Variants in DOK7 observed in about 807,000 individuals in gnomAD.
DOK7 encodes the protein docking protein 7.
In DOK7, 32 loss-of-function variants were observed where a neutral mutation model predicts 30.7. That is an observed-to-expected ratio of 1.04 (90% CI 0.79 to 1.40). The LOEUF (loss-of-function observed/expected upper bound fraction) is 1.40. Among genes scored for constraint, DOK7 ranks in the 40% most tolerant of loss-of-function variants. The pLI, the probability that DOK7 is intolerant of heterozygous loss-of-function variation, is 0.00. For missense variants in DOK7, 1,007 were observed against 699.2 expected (o/e 1.44, Z -4.97); for synonymous variants, 447 against 324.1 (o/e 1.38, Z -4.07).
intron 3 of DOK7, 146 bp downstream of exon 3, chr4:3,473,782 G>C: frequency 1.2e-6 from 1 of 820,044 alleles, no homozygotes; most frequent in East Asian, 2.7e-5. Flanking sequence ...GGTGGACTGA[G>C]CTCCAGCCTG....
chr4:3,468,506 G>GTGTGTGTGTATGTGTGTGAC (rs1726472910), intron 2 of DOK7, among the ~76,000 whole-genome samples: 1 of 150,668 alleles, frequency 6.6e-6, no homozygotes, highest in Non-Finnish European at 1.5e-5. Context: ...GCATGTGCGT[G>GTGTGTGTGTATGTGTGTGAC]TGTGCGTGTA....
rs1726872316 is a variant in DOK7 at position 3,473,325 on chromosome 4, A to T, written c.101-81A>T. On this transcript the variant is annotated intron_variant, in intron 2 of 6. Transcript: ENST00000340083. The stretch of plus-strand genomic sequence containing the variant: ...TCATGACCCCAGCCCGGGTCTCTGC[A>T]CTGTCACGGCCTCCCCGGGGACGCC... The T allele has an allele frequency of 2.1e-6, 3 of 1,419,656 alleles. No individual in the cohort carries two copies. In the South Asian group the frequency reaches 3.6e-5, roughly 17 times the overall value. 87.9% of individuals were successfully genotyped at this position (1,419,656 alleles called of 1,614,324 possible).
intron 4 of DOK7, among the ~76,000 whole-genome samples, chr4:3,483,918 C>A (rs1048926600): frequency 1.3e-5 from 2 of 152,228 alleles, no homozygotes; most frequent in Non-Finnish European, 2.9e-5. Context: ...GGGCCCCACC[C>A]CATCACGGCC....
Position 3,489,657 on chromosome 4 carries a change from G to A in DOK7, c.653-20G>A, listed in dbSNP as rs185980724. ...GGCGGTGGTGGCCACCTCCTCCACCGAGTCTTCTCTCTGCCACAGACCCAA... is the reference window on the plus strand; with the variant it reads ...GGCGGTGGTGGCCACCTCCTCCACCAAGTCTTCTCTCTGCCACAGACCCAA... On this transcript the variant is annotated intron_variant, in intron 5 of 6. Transcript: ENST00000340083. The A allele has an allele frequency of 8.3e-6, 13 of 1,562,422 alleles. No homozygotes were observed. The highest frequency in any genetic ancestry group is 2.4e-5 in the South Asian group (2 of 84,926).
At chr4:3,486,934 G>C (rs1727840914) in intron 5 of DOK7, among the ~76,000 whole-genome samples, 1 of 152,156 alleles carries the variant, frequency 6.6e-6, no homozygotes, top group Non-Finnish European at 1.5e-5. Flanking sequence ...CCGGGGAGCA[G>C]AGGGAAGCAG....
At chr4:3,491,828 G>A (rs1395086740) in intron 6 of DOK7, among the ~76,000 whole-genome samples, 2 of 152,238 alleles carry the variant, frequency 1.3e-5, no homozygotes, top group Non-Finnish European at 2.9e-5. Flanking sequence ...TGGTGGAAGG[G>A]GCTGGCAGAG....
At chr4:3,478,880 C>G (rs73793928) in intron 4 of DOK7, among the ~76,000 whole-genome samples, 1,735 of 152,246 alleles carry the variant, frequency 0.011, 34 homozygotes, top group African/African-American at 0.039. Flanking sequence ...GTTCTCAACG[C>G]AGCACTGAGT....
At chr4:3,485,695 C>T in intron 5 of DOK7, 37 bp downstream of exon 5, 3 of 1,506,762 alleles carry the variant, frequency 2.0e-6, no homozygotes, top group Non-Finnish European at 2.7e-6. Flanking sequence ...GGAGGGTGCG[C>T]TCGGCAGGCT....
rs201894731 is a variant in DOK7 at position 3,493,291 on chromosome 4, C to A, written c.1305C>A (p.Gly435=). 7.3e-5 allele frequency: 118 copies of A among 1,608,480 alleles called. No homozygotes were observed. The African/African-American group carries it at 1.4e-3, about 19-fold the overall frequency. ...SPGNSAARDS[G]GQTSAGCPSG... ...GCAACAGTGCGGCCAGGGACTCAGG[C>A]GGCCAGACGTCCGCCGGGTGTCCCT... The change falls in exon 7 of 7, where the codon GGC becomes GGA. Residue 435 remains glycine, a synonymous_variant. Coordinates refer to ENST00000340083, the MANE Select transcript of DOK7 (RefSeq NM_173660.5).
chr4:3,496,623 C>A (rs942058508), downstream of DOK7, among the ~76,000 whole-genome samples: 1 of 151,914 alleles, frequency 6.6e-6, no homozygotes, highest in African/African-American at 2.4e-5. Context: ...GTGGGTGGCC[C>A]GGAGATCTGG....
intron 6 of DOK7, among the ~76,000 whole-genome samples, chr4:3,492,128 T>C (rs1360765996): frequency 6.6e-6 from 1 of 152,178 alleles, no homozygotes; most frequent in African/African-American, 2.4e-5. Flanking sequence ...TGAAAGTGGC[T>C]TTCCCAAGAG....
exon 8 of DOK7, chr4:3,500,745 C>T (rs1560242830): frequency 1.3e-6 from 2 of 1,535,442 alleles, no homozygotes; most frequent in Non-Finnish European, 1.7e-6. Context: ...CGAGACGGCG[C>T]ACAGAGTGGG....
In DOK7 at chr4:3,494,243, G is replaced by A. The variant is rs1331331707; in HGVS notation, c.*742G>A. ...GGCTCCTGTCTGAACCTCCTCGCAG[G>A]GCCAAAGGCTGGCTTGGCCTGTGTT... On this transcript the variant is annotated 3_prime_UTR_variant, in exon 7 of 7. Transcript: ENST00000340083. 6 of 985,392 alleles carry A rather than the reference G, an allele frequency of 6.1e-6. No individual in the cohort carries two copies. Among genetic ancestry groups the A allele is most frequent in the Admixed American group, 6.1e-5 (1 of 16,272 alleles). The allele number at this position is 985,392 out of a possible 1,614,324, so 61.0% of individuals were successfully genotyped here.
intron 2 of DOK7, among the ~76,000 whole-genome samples, chr4:3,468,998 G>A (rs1201995169): frequency 2.7e-5 from 4 of 149,132 alleles, no homozygotes; most frequent in African/African-American, 5.1e-5. Context: ...ATGCATGTGT[G>A]AGTGTGCGTG....
Position 3,489,689 on chromosome 4 carries a change from CG to C in DOK7, c.668del (p.Gly223AspfsTer23). 1 of 1,565,108 alleles carries C rather than the reference CG, an allele frequency of 6.4e-7. No individual in the cohort carries two copies. Among genetic ancestry groups the C allele is most frequent in the Non-Finnish European group, 8.7e-7 (1 of 1,155,038 alleles). Reference protein sequence around the residue: ...LRPVLPDPSPPGPSTVEERVA... With the variant: ...LRPVLPDPSPXGPSTVEERVA... ...CTCTCTGCCACAGACCCAAGTCCCC[CG>C]GGACCCTCGACTGTGGAGGAGCGTG... On this transcript the variant is annotated frameshift_variant, in exon 6 of 7. Coordinates refer to ENST00000340083, the MANE Select transcript of DOK7 (RefSeq NM_173660.5). LOFTEE classifies it high-confidence loss of function.
intron 4 of DOK7, among the ~76,000 whole-genome samples, chr4:3,476,894 T>C (rs2109344807): frequency 6.6e-6 from 1 of 152,128 alleles, no homozygotes; most frequent in South Asian, 2.1e-4. Flanking sequence ...CAGTGGGGAG[T>C]GTGAGCTCCC....
At chr4:3,470,792 G>A (rs1378899201) in intron 2 of DOK7, among the ~76,000 whole-genome samples, 1 of 152,264 alleles carries the variant, frequency 6.6e-6, no homozygotes, top group Non-Finnish European at 1.5e-5. Context: ...CCAAAAGGGT[G>A]ACGTCGGGCT....
chr4:3,488,544 G>C (rs1003834103), intron 5 of DOK7, among the ~76,000 whole-genome samples: 1 of 152,216 alleles, frequency 6.6e-6, no homozygotes, highest in African/African-American at 2.4e-5. Flanking sequence ...GGTTCTGTCC[G>C]CTGAGGCTCT....
At chr4:3,492,335 G>A (rs978714415) in intron 6 of DOK7, among the ~76,000 whole-genome samples, 1 of 152,076 alleles carries the variant, frequency 6.6e-6, no homozygotes, top group African/African-American at 2.4e-5. Context: ...TCTTGGGGAA[G>A]GGACGTCCAG....
Sources: gnomAD v4.1 joint callset for allele counts (sites outside exome capture counted in the v4.1 genomes callset) on GRCh38, gnomAD v4.1.1 for gene constraint, MANE v1.5 for transcripts, NCBI Gene and HGNC (gene_info 2026-07-23, HGNC 2026-07-21) for gene names.